The following MDGA2 variants were observed in gnomAD, a reference collection of about 807,000 sequenced individuals.
MDGA2 encodes MAM domain containing glycosylphosphatidylinositol anchor 2, also known as MAM domain-containing glycosylphosphatidylinositol anchor protein 2.
Under a neutral mutation model 117.8 loss-of-function variants are expected in MDGA2, and 40 were observed. The observed-to-expected ratio is 0.34, with a 90% CI of 0.26 to 0.44. MDGA2 has a LOEUF of 0.44. Ranked by LOEUF, MDGA2 falls within the 20% of genes least tolerant of loss-of-function variation. MDGA2 has a pLI of 1.00. For missense variants in MDGA2, 1,123 were observed against 1,250.6 expected (o/e 0.90, Z 1.54); for synonymous variants, 452 against 439.0 (o/e 1.03, Z -0.37).
At chr14:47,097,525 G>A (rs1880046342) in intron 5 of MDGA2, among the ~76,000 whole-genome samples, 1 of 151,918 alleles carries the variant, frequency 6.6e-6, no homozygotes, top group African/African-American at 2.4e-5. Context: ...GGTGAAGATG[G>A]TTAATTATTT....
chr14:47,172,408 C>A (rs1035465842), intron 3 of MDGA2, among the ~76,000 whole-genome samples: 10 of 151,906 alleles, frequency 6.6e-5, no homozygotes, highest in African/African-American at 2.4e-4. Context: ...CAAGTAGGGG[C>A]AGACTGACAC....
intron 8 of MDGA2, chr14:46,996,374 T>C (rs1384592403): frequency 2.0e-5 from 3 of 152,148 alleles, no homozygotes; most frequent in Non-Finnish European, 4.4e-5. Context: ...GCCTCTTTCC[T>C]GAGGGAACCA....
intron 8 of MDGA2, among the ~76,000 whole-genome samples, chr14:46,991,358 T>C (rs548488554): frequency 6.6e-6 from 1 of 152,260 alleles, no homozygotes; most frequent in South Asian, 2.1e-4. Flanking sequence ...AAAACAACTT[T>C]TATTTTTAAG....
At chr14:47,499,494 C>T (rs1370924783) in intron 1 of MDGA2, among the ~76,000 whole-genome samples, 3 of 152,102 alleles carry the variant, frequency 2.0e-5, no homozygotes, top group African/African-American at 7.2e-5. Flanking sequence ...CACTGTTATT[C>T]CCTATTCTTC....
At chr14:47,353,711 T>A (rs574597742) in intron 1 of MDGA2, among the ~76,000 whole-genome samples, 12 of 152,302 alleles carry the variant, frequency 7.9e-5, no homozygotes, top group African/African-American at 2.9e-4. Context: ...GAAAGCTGCA[T>A]GGCTGAATTC....
chr14:47,480,935 C>A (rs1284376809), intron 1 of MDGA2, among the ~76,000 whole-genome samples: 6 of 151,830 alleles, frequency 4.0e-5, no homozygotes, highest in African/African-American at 1.4e-4. Context: ...TAATAATTAC[C>A]TTGCTATTAT....
At chr14:47,538,553 G>A (rs968365361) in intron 1 of MDGA2, among the ~76,000 whole-genome samples, 3 of 152,086 alleles carry the variant, frequency 2.0e-5, no homozygotes, top group Admixed American at 1.3e-4. Flanking sequence ...CTCTTGATTG[G>A]GTGGTCCTTA....
chr14:47,487,225 C>T (rs1183925927), intron 1 of MDGA2, among the ~76,000 whole-genome samples: 1 of 152,202 alleles, frequency 6.6e-6, no homozygotes, highest in African/African-American at 2.4e-5. Flanking sequence ...GATGTATGTT[C>T]AGCTGTATCA....
intron 6 of MDGA2, among the ~76,000 whole-genome samples, chr14:47,066,160 C>G (rs762182159): frequency 9.9e-5 from 15 of 152,178 alleles, no homozygotes; most frequent in Non-Finnish European, 1.9e-4. Flanking sequence ...AGGAACCTAT[C>G]TTTCTCCTCA....
chr14:47,043,798 T>C (rs1889161355), intron 7 of MDGA2, among the ~76,000 whole-genome samples: 1 of 152,112 alleles, frequency 6.6e-6, no homozygotes, highest in Admixed American at 6.6e-5. Context: ...TGCCTCACCT[T>C]CCTTCCTTTC....
intron 1 of MDGA2, among the ~76,000 whole-genome samples, chr14:47,648,181 G>A (rs926417637): frequency 1.3e-5 from 2 of 152,080 alleles, no homozygotes; most frequent in Admixed American, 6.6e-5. Flanking sequence ...AATACAGATT[G>A]TCAAGTGAGA....
chr14:47,100,288 A>G (rs372845433), intron 5 of MDGA2, among the ~76,000 whole-genome samples: 6 of 152,072 alleles, frequency 3.9e-5, no homozygotes, highest in African/African-American at 1.4e-4. Flanking sequence ...ACTTTTTCAC[A>G]ATGTCCTGAA....
At chr14:47,364,182 T>C (rs1891182924) in intron 1 of MDGA2, among the ~76,000 whole-genome samples, 1 of 152,216 alleles carries the variant, frequency 6.6e-6, no homozygotes, top group African/African-American at 2.4e-5. Context: ...TTTAATAATA[T>C]CTATGAGTCA....
intron 10 of MDGA2, among the ~76,000 whole-genome samples, chr14:46,901,700 C>G (rs1200091618): frequency 1.3e-5 from 2 of 152,208 alleles, no homozygotes; most frequent in Non-Finnish European, 2.9e-5. Flanking sequence ...CTCCACATTT[C>G]TCAACCACTC....
At chr14:47,647,212 G>C (rs1231751784) in intron 1 of MDGA2, among the ~76,000 whole-genome samples, 1 of 152,034 alleles carries the variant, frequency 6.6e-6, no homozygotes, top group African/African-American at 2.4e-5. Flanking sequence ...CATATTTTAG[G>C]TCTGCTCAAA....
intron 10 of MDGA2, among the ~76,000 whole-genome samples, chr14:46,885,777 A>C (rs191710150): frequency 6.6e-6 from 1 of 152,258 alleles, no homozygotes; most frequent in East Asian, 1.9e-4. Context: ...TTTAGCATTG[A>C]TCCTCCTTAC....
intron 6 of MDGA2, among the ~76,000 whole-genome samples, chr14:47,067,923 T>C (rs1890142180): frequency 6.6e-6 from 1 of 152,176 alleles, no homozygotes; most frequent in East Asian, 1.9e-4. Flanking sequence ...AGTATTCTTA[T>C]ACTCACTTCT....
chr14:47,292,403 C>T (rs1006583523), intron 2 of MDGA2, among the ~76,000 whole-genome samples: 2 of 152,098 alleles, frequency 1.3e-5, no homozygotes, highest in African/African-American at 4.8e-5. Context: ...CAATTATGTA[C>T]TTGGGAGTCT....
At chr14:47,113,353 G>C (rs1881149643) in intron 5 of MDGA2, among the ~76,000 whole-genome samples, 1 of 151,604 alleles carries the variant, frequency 6.6e-6, no homozygotes, top group African/African-American at 2.4e-5. Context: ...CGACCGGATG[G>C]ATTTACTGAA....
Sources: allele counts gnomAD v4.1 joint callset (sites outside exome capture counted in the v4.1 genomes callset), GRCh38; gene constraint gnomAD v4.1.1; transcripts MANE v1.5; gene names NCBI Gene and HGNC (gene_info 2026-07-23, HGNC 2026-07-21).